STRA6: variants seen among roughly 807,000 people sequenced by gnomAD.
STRA6 encodes signaling receptor and transporter of retinol STRA6, also known as receptor for retinol uptake STRA6.
In STRA6, 48 loss-of-function variants were observed where a neutral mutation model predicts 83.6. That is an observed-to-expected ratio of 0.57 (90% confidence interval 0.46 to 0.73). STRA6 has a LOEUF of 0.73. Ranked by LOEUF, STRA6 falls within the 30% of genes least tolerant of loss-of-function variation. The pLI is 0.00. For synonymous variants in STRA6, 353 were observed against 362.3 expected (o/e 0.97, Z 0.29); for missense variants, 760 against 838.8 (o/e 0.91, Z 1.16).
In STRA6 at chr15:74,183,916, G is replaced by T; in HGVS notation, c.1240C>A (p.Arg414Ser). 2.5e-6 allele frequency: 4 copies of T among 1,614,018 alleles called. No homozygotes were observed. The highest frequency in any genetic ancestry group is 3.4e-6 in the Non-Finnish European group (4 of 1,180,036). Reference sequence around the variant, plus strand: ...CTCATCCAACAGAATATGGCTTGGCGGGAGGGATGGGGACTCCGATGCAAG... The same window carrying T: ...CTCATCCAACAGAATATGGCTTGGCTGGAGGGATGGGGACTCCGATGCAAG... The part of the protein sequence containing the change: ...SPLHRSPHPS[R>S]QAIFCWMSFS... Residue 414 changes from arginine (R) to serine (S), a missense_variant, in exon 14 of 19, where the codon CGC becomes AGC. Transcript: ENST00000395105.
Position 74,191,451 on chromosome 15 carries a change from AGGT to A in STRA6, c.758_760del (p.Asn253_Leu254delinsIle). 6.2e-7 allele frequency: 1 copy of A among 1,614,168 alleles called. No homozygotes were observed. The highest frequency in any genetic ancestry group is 8.5e-7 in the Non-Finnish European group (1 of 1,180,018). On this transcript the variant is annotated inframe_deletion, in exon 9 of 19. Transcript: ENST00000395105. ...GCTTCCCAGCTTCTTCCTGCAAAGG[AGGT>A]TCCTCAGATATTCCTCAGAGTAGCT...
chr15:74,210,301 A>G (rs2074349079), upstream of STRA6, among the ~76,000 whole-genome samples: 1 of 152,254 alleles, frequency 6.6e-6, no homozygotes, highest in Non-Finnish European at 1.5e-5. Context: ...ATATCCATCC[A>G]TCAATGCTGA....
Position 74,196,235 on chromosome 15 carries a change from G to A in STRA6, c.267-88C>T, listed in dbSNP as rs879099428. ...CCAGCTGTATTCCATAAATCAAGGAGGTGGAGTCAGTCCCACTTTCTAGAT... is the reference window on the plus strand; with the variant it reads ...CCAGCTGTATTCCATAAATCAAGGAAGTGGAGTCAGTCCCACTTTCTAGAT... On this transcript the variant is annotated intron_variant, in intron 4 of 18. Coordinates refer to ENST00000395105, the MANE Select transcript of STRA6 (RefSeq NM_022369.4). 1.5e-5 allele frequency: 23 copies of A among 1,562,900 alleles called. No individual in the cohort carries two copies. The South Asian group carries it at 2.3e-4, about 16-fold the overall frequency.
At chr15:74,210,609 A>C (rs2074352901), upstream of STRA6, among the ~76,000 whole-genome samples, 1 of 152,244 alleles carries the variant, frequency 6.6e-6, no homozygotes, top group Non-Finnish European at 1.5e-5. Flanking sequence ...CACTTGTTTG[A>C]AATGCATATT....
intron 16 of STRA6, 147 bp downstream of exon 16, chr15:74,182,014 A>G: frequency 2.6e-6 from 2 of 765,348 alleles, no homozygotes; most frequent in East Asian, 2.7e-5. Flanking sequence ...CCTTTTCTCT[A>G]TGGGTAAGGC....
chr15:74,191,846 G>A, intron 8 of STRA6: 3 of 407,970 alleles, frequency 7.4e-6, no homozygotes, highest in South Asian at 4.4e-5. Flanking sequence ...CTGGGGCAAA[G>A]GGAAGCTTGT....
At chr15:74,191,717 A>C (rs2073551172) in intron 8 of STRA6, 5 of 603,730 alleles carry the variant, frequency 8.3e-6, no homozygotes, top group South Asian at 7.8e-5. Flanking sequence ...CCTATCAAAG[A>C]ACCATCAATG....
upstream of STRA6, among the ~76,000 whole-genome samples, chr15:74,203,385 G>A (rs2074171682): frequency 6.6e-6 from 1 of 152,186 alleles, no homozygotes; most frequent in Non-Finnish European, 1.5e-5. Flanking sequence ...AGGGAGGAGG[G>A]CTCCTCCGCA....
chr15:74,183,252 C>A (rs757520837), intron 14 of STRA6: 2 of 175,002 alleles, frequency 1.1e-5, no homozygotes, highest in Non-Finnish European at 2.5e-5. Context: ...GATCTCATTA[C>A]CTTTGTAGGT....
intron 16 of STRA6, 27 bp downstream of exon 16, chr15:74,182,134 G>A (rs1226668076): frequency 7.5e-6 from 12 of 1,593,560 alleles, no homozygotes; most frequent in Non-Finnish European, 1.0e-5. Context: ...GGGCCTGAGG[G>A]AGCCACAAGC....
chr15:74,193,738 T>C (rs1445278975), intron 8 of STRA6, 62 bp downstream of exon 8: 3 of 1,606,216 alleles, frequency 1.9e-6, no homozygotes, highest in East Asian at 4.5e-5. Flanking sequence ...GGACCACAGA[T>C]ACGGGGGAGT....
At chr15:74,202,449 C>A in intron 1 of STRA6, 167 bp from the exon 2 acceptor site, 1 of 1,536,268 alleles carries the variant, frequency 6.5e-7, no homozygotes, top group Non-Finnish European at 8.7e-7. Context: ...CCGTCTGGGA[C>A]TGAGGGCCTG....
At chr15:74,181,032 C>T in intron 17 of STRA6, 95 bp from the exon 18 acceptor site, 1 of 1,533,156 alleles carries the variant, frequency 6.5e-7, no homozygotes. Flanking sequence ...AGTGCACGTG[C>T]ACTCCCTGCA....
intron 8 of STRA6, 134 bp downstream of exon 8, chr15:74,193,666 G>A: frequency 2.0e-6 from 3 of 1,480,284 alleles, no homozygotes; most frequent in Non-Finnish European, 2.8e-6. Context: ...CAGTCACTCA[G>A]CAAACATTTT....
chr15:74,184,139 G>T, intron 13 of STRA6, 150 bp from the exon 14 acceptor site: 1 of 1,117,364 alleles, frequency 8.9e-7, no homozygotes, highest in Non-Finnish European at 1.3e-6. Context: ...CCAGGAGGAG[G>T]CCACTAACCC....
chr15:74,191,369 C>A, intron 9 of STRA6, 55 bp downstream of exon 9: 1 of 1,605,252 alleles, frequency 6.2e-7, no homozygotes, highest in South Asian at 1.1e-5. Context: ...TTCCCAAGCA[C>A]GGCTGCTAAC....
intron 1 of STRA6, among the ~76,000 whole-genome samples, chr15:74,208,372 G>A (rs545856365): frequency 4.7e-4 from 71 of 152,230 alleles, no homozygotes; most frequent in African/African-American, 1.4e-3. Flanking sequence ...TTCCCAGCAC[G>A]TTCCTCCCTG....
At position 74,202,196 on chromosome 15, in the gene STRA6, G is replaced by C. The variant is rs971612082; in HGVS notation, c.72C>G (p.Tyr24Ter). ...ATEDYSYGSW[Y>*]IDEPQGGEEL... is the part of the protein sequence containing the mutation. ...CCTCGCCCCCCTGGGGCTCATCGAT[G>C]TACCAGCTGCCATAGGAGTAGTCCT... Residue 24 changes from tyrosine to a stop codon, truncating the protein, a stop_gained, in exon 2 of 19, where the codon TAC becomes TAG. Coordinates refer to ENST00000395105, the MANE Select transcript of STRA6 (RefSeq NM_022369.4). LOFTEE classifies it high-confidence loss of function. 2 of 1,519,108 alleles carry C rather than the reference G, an allele frequency of 1.3e-6. No individual in the cohort carries two copies. The highest frequency in any genetic ancestry group is 2.3e-5 in the East Asian group (1 of 43,918). The allele number at this position is 1,519,108 out of a possible 1,614,324, so 94.1% of individuals were successfully genotyped here.
At chr15:74,211,999 C>G (rs531523417), upstream of STRA6, 1 of 152,726 alleles carries the variant, frequency 6.5e-6, no homozygotes, top group African/African-American at 2.4e-5. Context: ...TGTGTCTCTC[C>G]TCCTAAAGGT....
Sources: gnomAD v4.1 joint callset for allele counts (sites outside exome capture counted in the v4.1 genomes callset) on GRCh38, gnomAD v4.1.1 for gene constraint, MANE v1.5 for transcripts, NCBI Gene and HGNC (gene_info 2026-07-23, HGNC 2026-07-21) for gene names.